TMEM63C: variants seen among roughly 807,000 people sequenced by gnomAD.
The protein encoded by TMEM63C is transmembrane protein 63C.
In TMEM63C, 32 loss-of-function variants were observed where a neutral mutation model predicts 99.2. The observed-to-expected ratio is 0.32, with a 90% confidence interval of 0.24 to 0.43. The LOEUF (loss-of-function observed/expected upper bound fraction) is 0.43. Ranked by LOEUF, TMEM63C falls within the 20% of genes least tolerant of loss-of-function variation. The probability of loss-of-function intolerance (pLI) is 1.00; values close to 1 mark genes in which losing one functional copy is unlikely to be tolerated. For missense variants in TMEM63C, 826 were observed against 1,053.0 expected (o/e 0.78, Z 2.98); for synonymous variants, 376 against 397.9 (o/e 0.94, Z 0.66).
rs1465015142 is a variant in TMEM63C at position 77,236,446 on chromosome 14, G to GC, written c.543-178_543-177insC. Among the ~76,000 whole-genome samples, 144 of 136,374 alleles carry GC rather than the reference G, an allele frequency of 1.1e-3. 8 individuals are homozygous for GC. Among genetic ancestry groups the GC allele is most frequent in the African/African-American group, 3.9e-3 (138 of 35,796 alleles). 89.5% of individuals were successfully genotyped at this position (136,374 alleles called of 152,430 possible). Reference sequence around the variant, plus strand: ...GGAGACTGTGATGGGTGGGGGTGGGGGATACTGTAATGGGTTGGGGTCTGG... The same window carrying GC: ...GGAGACTGTGATGGGTGGGGGTGGGGCGATACTGTAATGGGTTGGGGTCTGG... On this transcript the variant is annotated intron_variant, in intron 8 of 23. Transcript: ENST00000298351.
intron 1 of TMEM63C, among the ~76,000 whole-genome samples, chr14:77,190,016 T>A (rs1594847760): frequency 6.6e-6 from 1 of 152,052 alleles, no homozygotes. Context: ...TTTTTAGAGA[T>A]GAGATAATCT....
chr14:77,185,395 A>C (rs1887979283), intron 1 of TMEM63C, among the ~76,000 whole-genome samples: 1 of 152,174 alleles, frequency 6.6e-6, no homozygotes, highest in Non-Finnish European at 1.5e-5. Context: ...TGGCCAAGGA[A>C]GGTCCTGGAG....
chr14:77,231,577 G>A lies in TMEM63C; in HGVS notation c.351-11G>A, dbSNP rs369752281. Reference sequence around the variant, plus strand: ...TCCTGAGGCACGTCCTTGTCTGTGTGTCTCTTCCAGGGACGAGGATCTGAT... The same window carrying A: ...TCCTGAGGCACGTCCTTGTCTGTGTATCTCTTCCAGGGACGAGGATCTGAT... On this transcript the variant is annotated splice_polypyrimidine_tract_variant and intron_variant, in intron 6 of 23. Transcript: ENST00000298351. 1.8e-4 allele frequency: 274 copies of A among 1,551,530 alleles called. No individual in the cohort carries two copies. The African/African-American group carries it at 3.4e-3, about 19-fold the overall frequency.
At chr14:77,254,401 A>G (rs1889427955) in intron 23 of TMEM63C, among the ~76,000 whole-genome samples, 2 of 152,204 alleles carry the variant, frequency 1.3e-5, no homozygotes. Flanking sequence ...CCCTACACAC[A>G]GGCACAGATT....
At chr14:77,207,719 C>T (rs183983428) in intron 1 of TMEM63C, among the ~76,000 whole-genome samples, 28 of 152,320 alleles carry the variant, frequency 1.8e-4, no homozygotes, top group Admixed American at 4.6e-4. Context: ...GAGGAATAAA[C>T]GATGTTCAGT....
chr14:77,200,488 C>T (rs561931551), intron 1 of TMEM63C, among the ~76,000 whole-genome samples: 20 of 152,350 alleles, frequency 1.3e-4, no homozygotes, highest in African/African-American at 4.8e-4. Context: ...CCCTGTGAGC[C>T]AGACCCACAG....
chr14:77,198,661 C>T (rs1032379522), intron 1 of TMEM63C, among the ~76,000 whole-genome samples: 8 of 152,186 alleles, frequency 5.3e-5, no homozygotes, highest in African/African-American at 1.2e-4. Context: ...AAATTGTCCT[C>T]GCCTGGCCTC....
chr14:77,258,963 G>A lies in TMEM63C; in HGVS notation c.*2237G>A, dbSNP rs1436782498. 1 of 152,326 alleles carries A rather than the reference G, an allele frequency of 6.6e-6. No homozygotes were observed. The highest frequency in any genetic ancestry group is 6.5e-5 in the Admixed American group (1 of 15,278). The allele number at this position is 152,326 out of a possible 1,614,324, so 9.4% of individuals were successfully genotyped here. On this transcript the variant is annotated 3_prime_UTR_variant, in exon 24 of 24. Transcript: ENST00000298351. The stretch of plus-strand genomic sequence containing the variant: ...AGAAGGTTCCATAGTCCACTCTTAG[G>A]GGAACCAGCAAAGCCTCATGGCAGT...
intron 7 of TMEM63C, 138 bp from the exon 8 acceptor site, chr14:77,233,314 G>A: frequency 2.4e-6 from 2 of 832,982 alleles, no homozygotes; most frequent in Non-Finnish European, 1.9e-6. Flanking sequence ...TTGGGGAGAA[G>A]CTCTGGGGAA....
intron 8 of TMEM63C, among the ~76,000 whole-genome samples, chr14:77,234,693 A>AG (rs906506694): frequency 6.6e-6 from 1 of 152,174 alleles, no homozygotes; most frequent in African/African-American, 2.4e-5. Flanking sequence ...TGTAGAATAA[A>AG]GTGGGCCCTA....
At position 77,250,245 on chromosome 14, in the gene TMEM63C, C is replaced by T. The variant is rs143350790; in HGVS notation, c.2038+787C>T. On this transcript the variant is annotated intron_variant, in intron 21 of 23. Transcript: ENST00000298351. ...TAGCTACACACAGCTACTGCTCCTG[C>T]CCAGGGGAGCTCAGAGACACCCTCC... Among the ~76,000 whole-genome samples the T allele has an allele frequency of 4.6e-5, 7 of 152,260 alleles. No individual in the cohort carries two copies. In the East Asian group the frequency reaches 1.3e-3, roughly 29 times the overall value.
intron 1 of TMEM63C, among the ~76,000 whole-genome samples, chr14:77,213,079 C>T (rs1888518356): frequency 6.6e-6 from 1 of 152,194 alleles, no homozygotes; most frequent in African/African-American, 2.4e-5. Flanking sequence ...TACACTGTAG[C>T]CACTGCCATT....
chr14:77,242,229 G>A (rs991559751), intron 13 of TMEM63C, 118 bp from the exon 14 acceptor site: 3 of 1,148,158 alleles, frequency 2.6e-6, no homozygotes, highest in South Asian at 1.5e-5. Flanking sequence ...CCCAGGAAGG[G>A]GATGAGCCCC....
intron 10 of TMEM63C, among the ~76,000 whole-genome samples, chr14:77,239,011 T>A (rs892390639): frequency 2.0e-5 from 3 of 152,220 alleles, no homozygotes; most frequent in Non-Finnish European, 4.4e-5. Flanking sequence ...GAATTTTTCT[T>A]TCTCCTGTTG....
At position 77,236,678 on chromosome 14, in the gene TMEM63C, CTTCATG is replaced by C. The variant is rs1432063674; in HGVS notation, c.604_609del (p.Phe202_Met203del). 6.2e-7 allele frequency: 1 copy of C among 1,612,772 alleles called. No individual in the cohort carries two copies. The highest frequency in any genetic ancestry group is 1.3e-5 in the African/African-American group (1 of 74,716). On this transcript the variant is annotated inframe_deletion, in exon 9 of 24. Coordinates refer to ENST00000298351, the MANE Select transcript of TMEM63C (RefSeq NM_020431.4). Reference sequence around the variant, plus strand: ...TGTCCTTCTTCTACTTCATCACCAACTTCATGTTCATGGCTCATCACTGCCTGGGGT... The same window carrying C: ...TGTCCTTCTTCTACTTCATCACCAACTTCATGGCTCATCACTGCCTGGGGT...
chr14:77,240,947 CTTTTT>C (rs533958957), intron 13 of TMEM63C, among the ~76,000 whole-genome samples: 2 of 67,096 alleles, frequency 3.0e-5, no homozygotes, highest in Non-Finnish European at 7.6e-5. Flanking sequence ...TTTTTTTTTT[CTTTTT>C]TTTTTTTTTT....
intron 8 of TMEM63C, among the ~76,000 whole-genome samples, chr14:77,233,943 C>T (rs1227221535): frequency 1.3e-5 from 2 of 152,186 alleles, no homozygotes; most frequent in African/African-American, 4.8e-5. Flanking sequence ...CTGCCATTAA[C>T]TGGCCCTAGG....
intron 1 of TMEM63C, among the ~76,000 whole-genome samples, chr14:77,185,299 G>A (rs1468254256): frequency 6.6e-6 from 1 of 152,164 alleles, no homozygotes; most frequent in East Asian, 1.9e-4. Context: ...CCAAGCCAGG[G>A]CCTCTGGTGT....
chr14:77,189,982 G>T (rs8011512), intron 1 of TMEM63C, among the ~76,000 whole-genome samples: 1 of 152,066 alleles, frequency 6.6e-6, no homozygotes, highest in Non-Finnish European at 1.5e-5. Flanking sequence ...GTCCTGGGGG[G>T]AAAATCATGT....
Sources: allele counts gnomAD v4.1 joint callset (sites outside exome capture counted in the v4.1 genomes callset), GRCh38; gene constraint gnomAD v4.1.1; transcripts MANE v1.5; gene names NCBI Gene and HGNC (gene_info 2026-07-23, HGNC 2026-07-21).